Variants in SRCIN1 observed in about 807,000 individuals in gnomAD.
SRCIN1 encodes P130Cas-associated protein.
In SRCIN1, 50 loss-of-function variants were observed where a neutral mutation model predicts 116.2. The ratio of observed to expected loss-of-function variants is 0.43; its 90% CI spans 0.34 to 0.54. The LOEUF is 0.54. Ranked by LOEUF, SRCIN1 falls within the 20% of genes least tolerant of loss-of-function variation. The pLI, the probability that SRCIN1 is intolerant of heterozygous loss-of-function variation, is 0.02. For synonymous variants in SRCIN1, 736 were observed against 750.0 expected, an observed-to-expected ratio of 0.98 and a Z score of 0.30; for missense variants, 1,446 against 1,672.0, an observed-to-expected ratio of 0.86 and a Z score of 2.36.
At position 38,532,301 on chromosome 17, in the gene SRCIN1, C is replaced by A. The variant is rs1266108173; in HGVS notation, c.*996G>T. On this transcript the variant is annotated 3_prime_UTR_variant, in exon 19 of 19. Transcript: ENST00000617146. This position sits in a 1 kb window ranked among gnomAD's most constrained non-coding sequence, Gnocchi z 4.3. ...CCCGTCAAGCCCCTCTCGACCCTCC[C>A]ATTTCCCTCAAACCAGACCCTTCCC... 1 of 152,656 alleles carries A rather than the reference C, an allele frequency of 6.6e-6. No individual in the cohort carries two copies. Among genetic ancestry groups the A allele is most frequent in the African/African-American group, 2.4e-5 (1 of 41,446 alleles). The allele number at this position is 152,656 out of a possible 1,614,324, so 9.5% of individuals were successfully genotyped here.
At chr17:38,559,355 G>A (rs775028377) in intron 10 of SRCIN1, 1 of 563,600 alleles carries the variant, frequency 1.8e-6, no homozygotes, top group Non-Finnish European at 3.1e-6. Context: ...AGGGGGTCAC[G>A]GGCGAGGGAT....
chr17:38,563,270 G>T lies in SRCIN1; in HGVS notation c.740+53C>A. 2.6e-6 allele frequency: 4 copies of T among 1,545,360 alleles called. No homozygotes were observed. Among genetic ancestry groups the T allele is most frequent in the Non-Finnish European group, 3.5e-6 (4 of 1,143,692 alleles). On this transcript the variant is annotated intron_variant, in intron 5 of 18. Coordinates refer to ENST00000617146, the MANE Select transcript of SRCIN1 (RefSeq NM_025248.3). This position sits in a 1 kb window ranked among gnomAD's most constrained non-coding sequence, Gnocchi z 5.8. ...AAGGGCCGGCGGGGTCCAGCACCCT[G>T]CAGAGGAGGAGCGTGGGGAAGCCCA...
At chr17:38,565,041 C>T (rs951508290) in intron 3 of SRCIN1, among the ~76,000 whole-genome samples, 2 of 152,122 alleles carry the variant, frequency 1.3e-5, no homozygotes, top group African/African-American at 4.8e-5. Context: ...AGCCAGCCTC[C>T]CCCAGGAGCC....
Position 38,558,345 on chromosome 17 carries a change from T to G in SRCIN1, c.2083A>C (p.Met695Leu), listed in dbSNP as rs1303925858. The change falls in exon 11 of 19, where the codon ATG (methionine) becomes CTG (leucine). Residue 695 changes from methionine (M) to leucine (L), a missense_variant. Met to Leu is a conservative substitution (Grantham distance 15). Coordinates refer to ENST00000617146, the MANE Select transcript of SRCIN1 (RefSeq NM_025248.3). This position sits in a 1 kb window ranked among gnomAD's most constrained non-coding sequence, Gnocchi z 4.6. ...CGCCGCGCCGCCTCCGACACGCGCA[T>G]GCTCAGCTCTGCCTCCGTGCGCTTC... ...LLKRTEAELS[M>L]RVSEAARRQE... The G allele has an allele frequency of 6.2e-7, 1 of 1,609,068 alleles. No homozygotes were observed. The highest frequency in any genetic ancestry group is 8.5e-7 in the Non-Finnish European group (1 of 1,179,496).
intron 1 of SRCIN1, among the ~76,000 whole-genome samples, chr17:38,595,544 T>C (rs1908680782): frequency 6.6e-6 from 1 of 152,128 alleles, no homozygotes; most frequent in Non-Finnish European, 1.5e-5. Flanking sequence ...AATAAATGGA[T>C]GAATAGATAA....
chr17:38,533,521 C>T (rs1433927564), intron 18 of SRCIN1, 90 bp from the exon 19 acceptor site: 10 of 1,102,776 alleles, frequency 9.1e-6, no homozygotes, highest in Admixed American at 2.8e-5. Context: ...TGGAAAACCT[C>T]CACAAATCCA....
At chr17:38,603,426 G>A (rs767209426) in intron 1 of SRCIN1, among the ~76,000 whole-genome samples, 2 of 151,672 alleles carry the variant, frequency 1.3e-5, no homozygotes, top group Admixed American at 6.6e-5. Context: ...GGGTTCATTC[G>A]AGCGACCCTT....
chr17:38,576,080 G>A (rs1307826043), intron 2 of SRCIN1, among the ~76,000 whole-genome samples: 1 of 152,082 alleles, frequency 6.6e-6, no homozygotes, highest in Non-Finnish European at 1.5e-5. Flanking sequence ...CTGTGCTGGT[G>A]AACATGCTAG....
At chr17:38,593,199 G>A (rs1354948987) in intron 1 of SRCIN1, among the ~76,000 whole-genome samples, 3 of 152,138 alleles carry the variant, frequency 2.0e-5, no homozygotes, top group African/African-American at 7.2e-5. Flanking sequence ...AGGAATGGGA[G>A]GTGATGAAGA....
intron 1 of SRCIN1, among the ~76,000 whole-genome samples, chr17:38,579,002 G>T (rs1046800404): frequency 6.6e-6 from 1 of 152,216 alleles, no homozygotes; most frequent in Admixed American, 6.5e-5. Context: ...CGGCCCCTAG[G>T]GAGGGGTGAG....
At chr17:38,561,069 T>A (rs569033589) in intron 7 of SRCIN1, among the ~76,000 whole-genome samples, 1 of 152,174 alleles carries the variant, frequency 6.6e-6, no homozygotes. Context: ...TCCTCCCCAG[T>A]GGACTTCAGC....
intron 17 of SRCIN1, chr17:38,547,981 G>A (rs1323418510): frequency 5.2e-6 from 1 of 193,204 alleles, no homozygotes; most frequent in Non-Finnish European, 1.1e-5. Context: ...GGTGGCCTGG[G>A]ATGGCATCGG....
chr17:38,603,632 C>A (rs1324686242), intron 1 of SRCIN1, among the ~76,000 whole-genome samples: 1 of 152,096 alleles, frequency 6.6e-6, no homozygotes, highest in Non-Finnish European at 1.5e-5. Flanking sequence ...GGGGACTGGA[C>A]AAAGACCCTC....
At chr17:38,584,407 CG>C (rs1241158112) in intron 1 of SRCIN1, among the ~76,000 whole-genome samples, 2 of 152,308 alleles carry the variant, frequency 1.3e-5, no homozygotes, top group East Asian at 3.9e-4. Flanking sequence ...ATCCAGAATC[CG>C]AATGAGGGGA....
chr17:38,549,772 C>T (rs952817232), intron 15 of SRCIN1, among the ~76,000 whole-genome samples: 1 of 152,218 alleles, frequency 6.6e-6, no homozygotes, highest in African/African-American at 2.4e-5. Flanking sequence ...CTCCCCATCA[C>T]CCCAAACCAT....
In SRCIN1 at chr17:38,568,069, G is replaced by T; in HGVS notation, c.345+142C>A. On this transcript the variant is annotated intron_variant, in intron 3 of 18. Transcript: ENST00000617146. This position sits in a 1 kb window ranked among gnomAD's most constrained non-coding sequence, Gnocchi z 4.5. ...TCTCCCAAAGCAGCAGCCACAGCCTGCAGCCCCGAGGCCCACCGCCCATAC... is the reference window on the plus strand; with the variant it reads ...TCTCCCAAAGCAGCAGCCACAGCCTTCAGCCCCGAGGCCCACCGCCCATAC... 1 of 1,021,958 alleles carries T rather than the reference G, an allele frequency of 9.8e-7. No homozygotes were observed. Among genetic ancestry groups the T allele is most frequent in the Non-Finnish European group, 1.5e-6 (1 of 671,538 alleles). 63.3% of individuals were successfully genotyped at this position (1,021,958 alleles called of 1,614,324 possible). A position where few individuals can be genotyped will look rare whatever the true frequency, so the allele number is the denominator to read the frequency against.
Position 38,548,791 on chromosome 17 carries a change from T to C in SRCIN1, c.3118-82A>G, listed in dbSNP as rs1041852228. ...CACCTCCCAGGCCCCATCGCCCATG[T>C]ACCCCAGCTTCTCGTCTGCTACTTC... On this transcript the variant is annotated intron_variant, in intron 16 of 18. Transcript: ENST00000617146. 2.1e-6 allele frequency: 3 copies of C among 1,445,612 alleles called. No individual in the cohort carries two copies. The African/African-American group carries it at 4.3e-5, about 21-fold the overall frequency. The allele number at this position is 1,445,612 out of a possible 1,614,324, so 89.5% of individuals were successfully genotyped here.
intron 1 of SRCIN1, among the ~76,000 whole-genome samples, chr17:38,605,089 C>G (rs1666276929): frequency 6.6e-6 from 1 of 151,992 alleles, no homozygotes; most frequent in African/African-American, 2.4e-5. Flanking sequence ...GTGTGGAATA[C>G]AGGCTTGTAT....
rs997307952 is a variant in SRCIN1, at chr17:38,594,376, G to A, written c.22+11308C>T. Reference sequence around the variant, plus strand: ...AGCAAAGTTATTAAAAAGCCATCAAGGCGGCGGCAGCCACGGTGGCAAGGA... The same window carrying A: ...AGCAAAGTTATTAAAAAGCCATCAAAGCGGCGGCAGCCACGGTGGCAAGGA... On this transcript the variant is annotated intron_variant, in intron 1 of 18. Coordinates refer to ENST00000617146, the MANE Select transcript of SRCIN1 (RefSeq NM_025248.3). 2.6e-5 allele frequency among the ~76,000 whole-genome samples: 4 copies of A among 152,192 alleles called. No individual in the cohort carries two copies. In the East Asian group the frequency reaches 5.8e-4, roughly 22 times the overall value.
Sources: allele counts gnomAD v4.1 joint callset (sites outside exome capture counted in the v4.1 genomes callset), GRCh38; gene constraint gnomAD v4.1.1; non-coding constraint Gnocchi (gnomAD v3.1); transcripts MANE v1.5; gene names NCBI Gene and HGNC (gene_info 2026-07-23, HGNC 2026-07-21).